Variants in IGF2 observed in about 807,000 individuals in gnomAD.
The protein encoded by IGF2 is insulin like growth factor 2.
In IGF2, 2 loss-of-function variants were observed where a neutral mutation model predicts 12.0. The observed-to-expected ratio is 0.17, with a 90% CI of 0.07 to 0.52. The LOEUF (loss-of-function observed/expected upper bound fraction) is 0.52. IGF2 is among the 20% of genes least tolerant of loss of function. IGF2 has a pLI of 0.95. For synonymous variants in IGF2, 105 were observed against 110.1 expected, an observed-to-expected ratio of 0.95 and a Z score of 0.29; for missense variants, 211 against 268.0, an observed-to-expected ratio of 0.79 and a Z score of 1.48.
At chr11:2,137,533 G>A (rs868693421) in intron 1 of IGF2, among the ~76,000 whole-genome samples, 10 of 151,924 alleles carry the variant, frequency 6.6e-5, no homozygotes, top group Non-Finnish European at 1.5e-4. Flanking sequence ...CAGTGAAGGG[G>A]GGGGGGGTCT....
Position 2,138,781 on chromosome 11 carries a change from GGCC to G in IGF2, c.-562_-560del. On this transcript the variant is annotated 5_prime_UTR_variant, in exon 1 of 4. Transcript: ENST00000416167. The stretch of plus-strand genomic sequence containing the variant: ...GGAAGGTTGCGGGAGAAAGAGCGGG[GGCC>G]GGGGCCAGACGCCAAGAGGGGCGCG... 1.0e-6 allele frequency: 1 copy of G among 952,750 alleles called. No homozygotes were observed. The highest frequency in any genetic ancestry group is 1.2e-6 in the Non-Finnish European group (1 of 801,262). 59.0% of individuals were successfully genotyped at this position (952,750 alleles called of 1,614,324 possible).
rs1031117398 is a variant in IGF2 at position 2,131,143 on chromosome 11, T to C, written c.*1844A>G. 4.3e-6 allele frequency: 1 copy of C among 233,098 alleles called. No homozygotes were observed. 14.4% of individuals were successfully genotyped at this position (233,098 alleles called of 1,614,324 possible). ...CAAGGAGGCCAGCCTCACAAGGGCA[T>C]CTCTGTCATGGTGGAAAGATGGAAT... On this transcript the variant is annotated 3_prime_UTR_variant, in exon 4 of 4. Coordinates refer to ENST00000416167, the MANE Select transcript of IGF2 (RefSeq NM_000612.6).
rs980484246 is a variant in IGF2, at chr11:2,129,478, T to C, written c.*3509A>G. 4.4e-6 allele frequency: 1 copy of C among 228,886 alleles called. No individual in the cohort carries two copies. The highest frequency in any genetic ancestry group is 6.2e-5 in the East Asian group (1 of 16,040). The allele number at this position is 228,886 out of a possible 1,614,324, so 14.2% of individuals were successfully genotyped here. A position where few individuals can be genotyped will look rare whatever the true frequency, so the allele number is the denominator to read the frequency against. Reference sequence around the variant, plus strand: ...GGGACGCAAGGGGCTGGTCGGCAAGTGCCCCCGGGAACACCCACTCCGGCG... The same window carrying C: ...GGGACGCAAGGGGCTGGTCGGCAAGCGCCCCCGGGAACACCCACTCCGGCG... On this transcript the variant is annotated 3_prime_UTR_variant, in exon 4 of 4. Coordinates refer to ENST00000416167, the MANE Select transcript of IGF2 (RefSeq NM_000612.6). The surrounding 1 kb of genome is among the most constrained non-coding windows in gnomAD (Gnocchi z 8.1).
chr11:2,135,253 C>T (rs758939298), intron 2 of IGF2, 114 bp downstream of exon 2: 1 of 968,604 alleles, frequency 1.0e-6, no homozygotes, highest in Admixed American at 3.2e-5. Flanking sequence ...AGTCTCAGAG[C>T]AAGCGGCTGG....
Position 2,129,150 on chromosome 11 carries a change from C to T in IGF2, c.*3837G>A, listed in dbSNP as rs1428520514. On this transcript the variant is annotated 3_prime_UTR_variant, in exon 4 of 4. Transcript: ENST00000416167. This position sits in a 1 kb window ranked among gnomAD's most constrained non-coding sequence, Gnocchi z 8.1. ...TTTAATGCTTTATTGGGATTGCAAG[C>T]GTTACAAGGTTAAAGACAAAACCCA... 5.4e-6 allele frequency: 1 copy of T among 185,066 alleles called. No individual in the cohort carries two copies. Among genetic ancestry groups the T allele is most frequent in the East Asian group, 8.6e-5 (1 of 11,582 alleles). 11.5% of individuals were successfully genotyped at this position (185,066 alleles called of 1,614,324 possible). A position where few individuals can be genotyped will look rare whatever the true frequency, so the allele number is the denominator to read the frequency against.
the IGF2 span, chr11:2,147,795 G>A: frequency 4.2e-5 from 53 of 1,247,922 alleles, no homozygotes; most frequent in Admixed American, 3.4e-4. This position sits in a 1 kb window ranked among gnomAD's most constrained non-coding sequence, Gnocchi z 7.2. Context: ...GCTCGGTGGT[G>A]ACTCTTCGGC....
At chr11:2,140,457 C>G (rs576301287), upstream of IGF2, 3 of 643,346 alleles carry the variant, frequency 4.7e-6, no homozygotes, top group African/African-American at 3.8e-5. Flanking sequence ...CCCTCGCCCC[C>G]CTCGCTCCGC....
At chr11:2,142,933 T>C (rs933565157), upstream of IGF2, among the ~76,000 whole-genome samples, 1 of 152,118 alleles carries the variant, frequency 6.6e-6, no homozygotes, top group African/African-American at 2.4e-5. This position sits in a 1 kb window ranked among gnomAD's most constrained non-coding sequence, Gnocchi z 5.7. Context: ...CTCAGTGTGC[T>C]CCAGGGACCT....
In IGF2 at chr11:2,129,645, C is replaced by T. The variant is rs531452151; in HGVS notation, c.*3342G>A. 207 of 231,300 alleles carry T rather than the reference C, an allele frequency of 8.9e-4. 4 individuals carry two copies. The South Asian group carries it at 0.017, about 19-fold the overall frequency. 14.3% of individuals were successfully genotyped at this position (231,300 alleles called of 1,614,324 possible). ...CTCTTTGGGCTTCTGTCCAATGTTC[C>T]GAATGGCCCACTCACAGGGCGCTTG... On this transcript the variant is annotated 3_prime_UTR_variant, in exon 4 of 4. Coordinates refer to ENST00000416167, the MANE Select transcript of IGF2 (RefSeq NM_000612.6). This position sits in a 1 kb window ranked among gnomAD's most constrained non-coding sequence, Gnocchi z 8.1.
At chr11:2,146,363 C>T in the IGF2 span, 6 of 535,374 alleles carry the variant, frequency 1.1e-5, no homozygotes, top group Admixed American at 5.8e-5. Context: ...CAGGGCGCCG[C>T]AGACGAGGCG....
chr11:2,135,541 A>G lies in IGF2; in HGVS notation c.-6-12T>C. On this transcript the variant is annotated splice_polypyrimidine_tract_variant and intron_variant, in intron 1 of 3. Coordinates refer to ENST00000416167, the MANE Select transcript of IGF2 (RefSeq NM_000612.6). ...ATTCCCATTGGTGTCTGGGGGCGGG[A>G]GAGAAGTGGCGTGAGCGGGGCAGCC... is the stretch of plus-strand genomic sequence containing the variant. The G allele has an allele frequency of 6.2e-7, 1 of 1,610,928 alleles. No individual in the cohort carries two copies. Among genetic ancestry groups the G allele is most frequent in the African/African-American group, 1.3e-5 (1 of 74,996 alleles).
upstream of IGF2, among the ~76,000 whole-genome samples, chr11:2,143,307 C>T (rs1205787410): frequency 1.5e-5 from 2 of 132,134 alleles, no homozygotes; most frequent in African/African-American, 5.6e-5. Context: ...TTTGCGGGAC[C>T]CAACAGCAAA....
rs1318445148 is a variant in IGF2 at position 2,132,903 on chromosome 11, G to A, written c.*84C>T. ...GGGGACGTGGAACCGAGAGATTTTC[G>A]GGATGGAACCTGATGGAAACGTCCG... On this transcript the variant is annotated 3_prime_UTR_variant, in exon 4 of 4. Transcript: ENST00000416167. 1.0e-5 allele frequency: 10 copies of A among 961,544 alleles called. No individual in the cohort carries two copies. Among genetic ancestry groups the A allele is most frequent in the East Asian group, 8.1e-5 (3 of 37,200 alleles). 59.6% of individuals were successfully genotyped at this position (961,544 alleles called of 1,614,324 possible).
chr11:2,145,617 T>C (rs7127959), upstream of IGF2, among the ~76,000 whole-genome samples: 151,133 of 152,314 alleles, frequency 0.99, 74,999 homozygotes, highest in Middle Eastern at 1. Flanking sequence ...TGCTTGAAAA[T>C]GCATGCCTGG....
At position 2,132,960 on chromosome 11, in the gene IGF2, C is replaced by T. The variant is rs759186937; in HGVS notation, c.*27G>A. ...GGAGGAGGCTGCAGGATGGTGGCGC[C>T]GGGCTGCAGACTTGCGGCAGTTTTG... On this transcript the variant is annotated 3_prime_UTR_variant, in exon 4 of 4. Transcript: ENST00000416167. 47 of 1,426,250 alleles carry T rather than the reference C, an allele frequency of 3.3e-5. No individual in the cohort carries two copies. Among genetic ancestry groups the T allele is most frequent in the East Asian group, 2.2e-4 (9 of 40,604 alleles). The allele number at this position is 1,426,250 out of a possible 1,614,324, so 88.3% of individuals were successfully genotyped here.
upstream of IGF2, among the ~76,000 whole-genome samples, chr11:2,146,033 G>GC (rs777359429): frequency 1.1e-4 from 17 of 152,024 alleles, no homozygotes; most frequent in Non-Finnish European, 2.1e-4. Context: ...AGCAGCGTCC[G>GC]CCCCCCAGCC....
At chr11:2,145,488 G>A (rs1199003388), upstream of IGF2, among the ~76,000 whole-genome samples, 2 of 152,236 alleles carry the variant, frequency 1.3e-5, no homozygotes, top group African/African-American at 2.4e-5. Flanking sequence ...CCAGTTCCGA[G>A]TTGTGGGTTC....
chr11:2,131,446 G>A lies in IGF2; in HGVS notation c.*1541C>T, dbSNP rs527480230. 1.4e-4 allele frequency: 33 copies of A among 231,220 alleles called. No homozygotes were observed. The highest frequency in any genetic ancestry group is 7.1e-4 in the African/African-American group (32 of 45,124). The allele number at this position is 231,220 out of a possible 1,614,324, so 14.3% of individuals were successfully genotyped here. On this transcript the variant is annotated 3_prime_UTR_variant, in exon 4 of 4. Transcript: ENST00000416167. ...GGTGTGCGTGTGTGTGCGCATGTGT[G>A]TGTGCAGGTGGGTGCTTGCGTGTGC...
chr11:2,147,064 C>T, the IGF2 span: 1 of 152,774 alleles, frequency 6.5e-6, no homozygotes, highest in Non-Finnish European at 1.5e-5. This position sits in a 1 kb window ranked among gnomAD's most constrained non-coding sequence, Gnocchi z 7.2. Flanking sequence ...CTGTCACCCA[C>T]TTTGATAAAT....
Sources: allele counts gnomAD v4.1 joint callset (sites outside exome capture counted in the v4.1 genomes callset), GRCh38; gene constraint gnomAD v4.1.1; non-coding constraint Gnocchi (gnomAD v3.1); transcripts MANE v1.5; gene names NCBI Gene and HGNC (gene_info 2026-07-23, HGNC 2026-07-21).